Variants in BRD8 observed in about 807,000 individuals in gnomAD.
BRD8 encodes bromodomain containing 8.
In BRD8, 67 loss-of-function variants were observed where a neutral mutation model predicts 143.1. The ratio of observed to expected loss-of-function variants is 0.47; its 90% CI spans 0.38 to 0.57. The LOEUF is 0.57. Among genes scored for constraint, BRD8 ranks in the 20% least tolerant of loss-of-function variants. The probability of loss-of-function intolerance (pLI) is 0.00; values close to 1 mark genes in which losing one functional copy is unlikely to be tolerated. For missense variants in BRD8, 1,103 were observed against 1,503.0 expected (o/e 0.73, Z 4.40); for synonymous variants, 505 against 517.1 (o/e 0.98, Z 0.32).
chr5:138,161,685 G>A (rs1206876465), intron 17 of BRD8, 111 bp downstream of exon 17: 8 of 1,106,420 alleles, frequency 7.2e-6, no homozygotes, highest in Non-Finnish European at 1.0e-5. Flanking sequence ...GCCCCTTATA[G>A]CAAAACCATA....
At chr5:138,155,156 A>T (rs1053863274) in intron 20 of BRD8, among the ~76,000 whole-genome samples, 3 of 151,796 alleles carry the variant, frequency 2.0e-5, no homozygotes, top group East Asian at 4.0e-4. Context: ...ATTGAGTTTT[A>T]AAAATGTTGG....
In BRD8 at chr5:138,170,827, C is replaced by A; in HGVS notation, c.440+5G>T. On this transcript the variant is annotated splice_donor_5th_base_variant and intron_variant, in intron 6 of 26. Transcript: ENST00000254900. ...AGCACAGAAGAACAATATAATATAA[C>A]CCACGTTGCAATGTCATTGCAAAGC... is the stretch of plus-strand genomic sequence containing the variant. 2 of 1,611,546 alleles carry A rather than the reference C, an allele frequency of 1.2e-6. No individual in the cohort carries two copies. Among genetic ancestry groups the A allele is most frequent in the Non-Finnish European group, 1.7e-6 (2 of 1,177,686 alleles).
rs1014765741 is a variant in BRD8 at position 138,171,354 on chromosome 5, T to C, written c.236+7A>G. 3.7e-6 allele frequency: 6 copies of C among 1,604,508 alleles called. No individual in the cohort carries two copies. In the African/African-American group the frequency reaches 8.1e-5, roughly 22 times the overall value. ...AATATGGCTGAAGTACCTGGCTTTG[T>C]ACTCACTTTGGTGTCTCAGTGGTCT... is the stretch of plus-strand genomic sequence containing the variant. On this transcript the variant is annotated splice_region_variant and intron_variant, in intron 4 of 26. Coordinates refer to ENST00000254900, the MANE Select transcript of BRD8 (RefSeq NM_139199.2).
At chr5:138,165,618 C>T (rs1042211291) in intron 11 of BRD8, among the ~76,000 whole-genome samples, 2 of 150,882 alleles carry the variant, frequency 1.3e-5, no homozygotes, top group East Asian at 1.9e-4. Context: ...CCCAGCTACT[C>T]AGGAGGCTGA....
chr5:138,165,609 C>G (rs1753340150), intron 11 of BRD8, among the ~76,000 whole-genome samples: 2 of 151,868 alleles, frequency 1.3e-5, no homozygotes, highest in Admixed American at 6.6e-5. Context: ...GCCTGTAGTC[C>G]CAGCTACTCA....
intron 8 of BRD8, 141 bp from the exon 9 acceptor site, chr5:138,168,219 C>CTA: frequency 1.4e-6 from 1 of 704,906 alleles, no homozygotes; most frequent in Non-Finnish European, 2.4e-6. Context: ...CCAAGGGAAA[C>CTA]TCTAAACTAT....
Position 138,168,032 on chromosome 5 carries a change from G to C in BRD8, c.689C>G (p.Thr230Arg), listed in dbSNP as rs767356468. ...MAVASGHLNS[T>R]GVLLEVGGVL... ...CCCGCCTACCTCCAGGAGGACACCT[G>C]TACTGTTCAGGTGGCCAGAAGCCAC... Residue 230 changes from threonine (T) to arginine (R), a missense_variant, in exon 9 of 27, where the codon ACA (threonine) becomes AGA (arginine). Thr to Arg is a moderately conservative substitution (Grantham distance 71). Transcript: ENST00000254900. The C allele has an allele frequency of 2.5e-6, 4 of 1,613,262 alleles. No homozygotes were observed. The highest frequency in any genetic ancestry group is 2.5e-6 in the Non-Finnish European group (3 of 1,179,384).
At chr5:138,147,972 TA>T (rs576893780) in intron 23 of BRD8, among the ~76,000 whole-genome samples, 2 of 149,754 alleles carry the variant, frequency 1.3e-5, no homozygotes, top group African/African-American at 2.5e-5. Context: ...GGTTTCCTGT[TA>T]AAAAAAAACA....
intron 26 of BRD8, 83 bp downstream of exon 26, chr5:138,140,620 AAC>A: frequency 6.2e-6 from 9 of 1,441,376 alleles, no homozygotes; most frequent in Non-Finnish European, 8.8e-6. Flanking sequence ...AAACTCTGAG[AAC>A]ACAGTCACCT....
At chr5:138,142,631 C>T (rs1333762355) in intron 25 of BRD8, among the ~76,000 whole-genome samples, 7 of 151,812 alleles carry the variant, frequency 4.6e-5, no homozygotes, top group Non-Finnish European at 7.4e-5. Context: ...GGCGTGGTGA[C>T]GTGTGCCTGT....
At chr5:138,177,786 G>C in intron 1 of BRD8, 119 bp from the exon 2 acceptor site, 1 of 563,860 alleles carries the variant, frequency 1.8e-6, no homozygotes, top group Non-Finnish European at 3.1e-6. Flanking sequence ...AACTTGTTAG[G>C]ACAAAGTGAG....
At chr5:138,171,259 A>C in intron 4 of BRD8, 99 bp from the exon 5 acceptor site, 1 of 1,418,780 alleles carries the variant, frequency 7.0e-7, no homozygotes, top group East Asian at 2.3e-5. Flanking sequence ...AACTTCTGCT[A>C]TTTTTTAATC....
chr5:138,172,669 A>G, intron 2 of BRD8: 1 of 58,036 alleles, frequency 1.7e-5, no homozygotes, highest in South Asian at 2.1e-4. Context: ...TCCCTACAAA[A>G]AAAAAAAAAA....
chr5:138,170,104 T>A (rs930362790), intron 7 of BRD8, among the ~76,000 whole-genome samples: 1 of 152,252 alleles, frequency 6.6e-6, no homozygotes, highest in Non-Finnish European at 1.5e-5. Context: ...TAAAACATTA[T>A]GTTCAATATC....
chr5:138,168,752 T>A lies in BRD8; in HGVS notation c.642+470A>T, dbSNP rs1753638035. 2.0e-5 allele frequency: 17 copies of A among 834,256 alleles called. No homozygotes were observed. The South Asian group carries it at 2.4e-4, about 12-fold the overall frequency. 51.7% of individuals were successfully genotyped at this position (834,256 alleles called of 1,614,324 possible). A position where few individuals can be genotyped will look rare whatever the true frequency, so the allele number is the denominator to read the frequency against. ...CTATGGAAGGTTCCCTACTAATCTG[T>A]ATGGGTTAGTGTGTCTAACTATTAT... On this transcript the variant is annotated intron_variant, in intron 8 of 26. Transcript: ENST00000254900.
intron 21 of BRD8, 144 bp downstream of exon 21, chr5:138,152,338 G>T: frequency 8.7e-7 from 1 of 1,148,644 alleles, no homozygotes. Flanking sequence ...CAAGTGCTGA[G>T]GACATAGCAA....
chr5:138,143,844 C>A (rs575702729), intron 25 of BRD8, among the ~76,000 whole-genome samples: 1 of 152,044 alleles, frequency 6.6e-6, no homozygotes, highest in Non-Finnish European at 1.5e-5. Context: ...TAAAATGGAC[C>A]AATCAGTACT....
At position 138,151,749 on chromosome 5, in the gene BRD8, C is replaced by T. The variant is rs7717559; in HGVS notation, c.2856+733G>A. 2.0e-3 allele frequency among the ~76,000 whole-genome samples: 310 copies of T among 152,316 alleles called. 2 individuals carry two copies. The highest frequency in any genetic ancestry group is 7.0e-3 in the African/African-American group (291 of 41,580). The stretch of plus-strand genomic sequence containing the variant: ...CACGATCTCAGCTCACTGCAACTTC[C>T]GCCTCCCGGGTTCAAGCGATTCTCC... On this transcript the variant is annotated intron_variant, in intron 21 of 26. Coordinates refer to ENST00000254900, the MANE Select transcript of BRD8 (RefSeq NM_139199.2).
intron 3 of BRD8, among the ~76,000 whole-genome samples, chr5:138,171,782 G>GA (rs1001940573): frequency 6.6e-5 from 10 of 152,082 alleles, no homozygotes; most frequent in Admixed American, 2.0e-4. Flanking sequence ...TTTTACAAAT[G>GA]AAAAAACAGA....
Sources: allele counts gnomAD v4.1 joint callset (sites outside exome capture counted in the v4.1 genomes callset), GRCh38; gene constraint gnomAD v4.1.1; transcripts MANE v1.5; gene names NCBI Gene and HGNC (gene_info 2026-07-23, HGNC 2026-07-21).